The following ADAMTS20 variants were observed in gnomAD, a reference collection of about 807,000 sequenced individuals.
ADAMTS20 encodes A disintegrin and metalloproteinase with thrombospondin motifs 20.
A neutral mutation model predicts 260.1 loss-of-function variants in ADAMTS20; 225 were observed. That is an observed-to-expected ratio of 0.87 (90% CI 0.78 to 0.97). The LOEUF is 0.97. Among genes scored for constraint, ADAMTS20 ranks in the 50% least tolerant of loss-of-function variants. ADAMTS20 has a pLI of 0.00. For synonymous variants in ADAMTS20, 802 were observed against 769.5 expected, an observed-to-expected ratio of 1.04 and a Z score of -0.70; for missense variants, 2,400 against 2,337.7, an observed-to-expected ratio of 1.03 and a Z score of -0.55.
In ADAMTS20 at chr12:43,425,677, C is replaced by T; in HGVS notation, c.4121G>A (p.Cys1374Tyr). ...YGNWGECSQT[C>Y]GGGIKSRLVI... ...AAGTCTTGATTTTATTCCTCCTCCA[C>T]ATGTTTGTGAACACTAAAAACAAGA... is the stretch of plus-strand genomic sequence containing the variant. The change falls in exon 28 of 39, where the codon TGT (cysteine) becomes TAT (tyrosine). Residue 1374 changes from cysteine to tyrosine, a missense_variant. Coordinates refer to ENST00000389420, the MANE Select transcript of ADAMTS20 (RefSeq NM_025003.5). 6.3e-7 allele frequency: 1 copy of T among 1,595,996 alleles called. No individual in the cohort carries two copies. The highest frequency in any genetic ancestry group is 8.6e-7 in the Non-Finnish European group (1 of 1,168,256).
chr12:43,477,204 T>C (rs1312858850), intron 7 of ADAMTS20, among the ~76,000 whole-genome samples: 1 of 152,058 alleles, frequency 6.6e-6, no homozygotes, highest in African/African-American at 2.4e-5. Context: ...AAAACCATAA[T>C]TGGGGACTAG....
intron 28 of ADAMTS20, among the ~76,000 whole-genome samples, chr12:43,405,417 CTAATAATAATAATAATAA>C (rs66970122): frequency 5.7e-4 from 78 of 135,762 alleles, no homozygotes; most frequent in Admixed American, 3.7e-3. Flanking sequence ...GACGTCTTCT[CTAATAATAATAATAATAA>C]TAATAATAAT....
intron 2 of ADAMTS20, among the ~76,000 whole-genome samples, chr12:43,543,295 G>C (rs1349416292): frequency 6.6e-6 from 1 of 152,096 alleles, no homozygotes. Context: ...GGGCAACAGA[G>C]CAAGGTCTTG....
intron 12 of ADAMTS20, among the ~76,000 whole-genome samples, chr12:43,453,028 C>A (rs1247115028): frequency 6.6e-6 from 1 of 151,962 alleles, no homozygotes; most frequent in Non-Finnish European, 1.5e-5. Context: ...ATGTGGTGAG[C>A]CAAAGACAAT....
At chr12:43,362,853 AG>A (rs1485889947) in intron 37 of ADAMTS20, among the ~76,000 whole-genome samples, 1 of 151,558 alleles carries the variant, frequency 6.6e-6, no homozygotes, top group African/African-American at 2.4e-5. Flanking sequence ...AAAGGTGAAA[AG>A]GGGCCAAGAG....
chr12:43,466,849 AG>A, intron 8 of ADAMTS20, 54 bp from the exon 9 acceptor site: 1 of 1,303,130 alleles, frequency 7.7e-7, no homozygotes, highest in Non-Finnish European at 1.1e-6. Context: ...TTACGATATT[AG>A]TAATAGATCC....
intron 4 of ADAMTS20, among the ~76,000 whole-genome samples, chr12:43,500,701 G>GA (rs1243600160): frequency 6.6e-6 from 1 of 152,160 alleles, no homozygotes; most frequent in African/African-American, 2.4e-5. Context: ...ACTGAATTCT[G>GA]AAAAAATATT....
chr12:43,541,793 GTTC>G, intron 2 of ADAMTS20, among the ~76,000 whole-genome samples: 1 of 152,206 alleles, frequency 6.6e-6, no homozygotes, highest in African/African-American at 2.4e-5. Context: ...AAGGTTAGTT[GTTC>G]TTCTCTTCTC....
chr12:43,386,740 T>C (rs1278541166), intron 29 of ADAMTS20, among the ~76,000 whole-genome samples: 4 of 152,226 alleles, frequency 2.6e-5, no homozygotes, highest in African/African-American at 4.8e-5. Flanking sequence ...TAAGTTGATC[T>C]TCAATTTCTG....
At chr12:43,509,111 A>T (rs1295480866) in intron 3 of ADAMTS20, among the ~76,000 whole-genome samples, 2 of 152,146 alleles carry the variant, frequency 1.3e-5, no homozygotes, top group Non-Finnish European at 2.9e-5. Flanking sequence ...GCTGCATAGT[A>T]GTCCATGGTG....
intron 28 of ADAMTS20, among the ~76,000 whole-genome samples, chr12:43,403,521 C>T (rs757821413): frequency 8.6e-5 from 13 of 151,952 alleles, no homozygotes; most frequent in Non-Finnish European, 1.9e-4. Context: ...TGAAAAGTAA[C>T]TATTACACTA....
chr12:43,446,385 T>C (rs1490577441), intron 15 of ADAMTS20, among the ~76,000 whole-genome samples: 2 of 152,326 alleles, frequency 1.3e-5, no homozygotes, highest in South Asian at 4.1e-4. Flanking sequence ...CAGATTTGCC[T>C]GGGGCAGGTG....
intron 7 of ADAMTS20, among the ~76,000 whole-genome samples, chr12:43,469,194 AG>A (rs1275179616): frequency 2.0e-5 from 3 of 152,142 alleles, no homozygotes; most frequent in Admixed American, 6.6e-5. Context: ...GTAAAAAATA[AG>A]TGGTCAGAAT....
chr12:43,395,677 C>CTTTTTTTT (rs5797860), intron 29 of ADAMTS20, among the ~76,000 whole-genome samples: 1 of 90,828 alleles, frequency 1.1e-5, no homozygotes, highest in African/African-American at 4.2e-5. Flanking sequence ...GTGTGAGATT[C>CTTTTTTTT]TTTTTTTTTT....
rs1278189175 is a variant in ADAMTS20, at chr12:43,490,436, C to T, written c.1077-1G>A. On this transcript the variant is annotated splice_acceptor_variant, in intron 6 of 38. Transcript: ENST00000389420. LOFTEE classifies it high-confidence loss of function. ...CTCTTTAGATGAACAAATGTCTTCCCTTAAAATAAAAGATTTATTTTGAAG... is the reference window on the plus strand; with the variant it reads ...CTCTTTAGATGAACAAATGTCTTCCTTTAAAATAAAAGATTTATTTTGAAG... 3 of 1,282,786 alleles carry T rather than the reference C, an allele frequency of 2.3e-6. No homozygotes were observed. The highest frequency in any genetic ancestry group is 3.1e-5 in the South Asian group (2 of 64,062). 79.5% of individuals were successfully genotyped at this position (1,282,786 alleles called of 1,614,324 possible).
chr12:43,434,849 C>T (rs919960027), intron 18 of ADAMTS20, among the ~76,000 whole-genome samples: 12 of 152,178 alleles, frequency 7.9e-5, no homozygotes, highest in East Asian at 5.8e-4. Flanking sequence ...TTTTATCAAC[C>T]GACTGAAAAG....
intron 29 of ADAMTS20, among the ~76,000 whole-genome samples, chr12:43,395,460 T>C (rs79269206): frequency 0.022 from 3,417 of 152,226 alleles, 58 homozygotes; most frequent in East Asian, 0.085. Context: ...ATCTAGCATT[T>C]AGCATACAGT....
chr12:43,461,109 G>C lies in ADAMTS20; in HGVS notation c.1614+1786C>G, dbSNP rs191549790. On this transcript the variant is annotated intron_variant, in intron 11 of 38. Coordinates refer to ENST00000389420, the MANE Select transcript of ADAMTS20 (RefSeq NM_025003.5). ...AGGTTCAAGCGATTATACTGAATCA[G>C]TCTCCTGAGTAGCTGGGATTACAGG... Among the ~76,000 whole-genome samples the C allele has an allele frequency of 1.3e-3, 191 of 147,936 alleles. 1 individual carries two copies. The highest frequency in any genetic ancestry group is 4.5e-3 in the African/African-American group (181 of 40,000).
chr12:43,363,731 G>A (rs372276328), intron 37 of ADAMTS20, among the ~76,000 whole-genome samples: 1 of 152,206 alleles, frequency 6.6e-6, no homozygotes, highest in East Asian at 1.9e-4. Flanking sequence ...TTGTTAAGAG[G>A]AGGGTAGTAG....
Sources: allele counts gnomAD v4.1 joint callset (sites outside exome capture counted in the v4.1 genomes callset), GRCh38; gene constraint gnomAD v4.1.1; transcripts MANE v1.5; gene names NCBI Gene and HGNC (gene_info 2026-07-23, HGNC 2026-07-21).